WIF1: variants seen among roughly 807,000 people sequenced by gnomAD.
WIF1 encodes the protein Wnt inhibitory factor 1.
Under a neutral mutation model 53.5 loss-of-function variants are expected in WIF1, and 35 were observed. The ratio of observed to expected loss-of-function variants is 0.65; its 90% CI spans 0.50 to 0.87. The LOEUF (loss-of-function observed/expected upper bound fraction) is 0.87. WIF1 is among the 40% of genes least tolerant of loss of function. WIF1 has a pLI of 0.00. For missense variants in WIF1, 467 were observed against 476.8 expected (o/e 0.98, Z 0.19); for synonymous variants, 171 against 170.4 (o/e 1.00, Z -0.03).
chr12:65,053,527 C>T (rs942574511), intron 9 of WIF1, among the ~76,000 whole-genome samples: 1 of 152,168 alleles, frequency 6.6e-6, no homozygotes, highest in Non-Finnish European at 1.5e-5. Context: ...CTCTCTCCTT[C>T]CACCTTATGA....
rs1404146004 is a variant in WIF1 at position 65,051,089 on chromosome 12, A to T, written c.*260T>A. Reference sequence around the variant, plus strand: ...GAAAATATCTGCCAACTACACACTGAAAATTTTAACCTGATCAATTGACAT... The same window carrying T: ...GAAAATATCTGCCAACTACACACTGTAAATTTTAACCTGATCAATTGACAT... On this transcript the variant is annotated 3_prime_UTR_variant, in exon 10 of 10. Coordinates refer to ENST00000286574, the MANE Select transcript of WIF1 (RefSeq NM_007191.5). 9.1e-6 allele frequency: 3 copies of T among 328,070 alleles called. No homozygotes were observed. Among genetic ancestry groups the T allele is most frequent in the Non-Finnish European group, 1.6e-5 (3 of 183,768 alleles). 20.3% of individuals were successfully genotyped at this position (328,070 alleles called of 1,614,324 possible).
chr12:65,107,006 G>T (rs544302523), intron 2 of WIF1, among the ~76,000 whole-genome samples: 1 of 152,182 alleles, frequency 6.6e-6, no homozygotes, highest in Non-Finnish European at 1.5e-5. Flanking sequence ...CAATGAATTT[G>T]GGAAACTTTA....
At chr12:65,059,476 T>C (rs1410784801) in intron 7 of WIF1, among the ~76,000 whole-genome samples, 1 of 152,164 alleles carries the variant, frequency 6.6e-6, no homozygotes, top group African/African-American at 2.4e-5. Flanking sequence ...TTATAAATAA[T>C]TTGGGTAGTC....
intron 2 of WIF1, among the ~76,000 whole-genome samples, chr12:65,113,332 A>C (rs1274800707): frequency 1.3e-5 from 2 of 152,210 alleles, no homozygotes; most frequent in African/African-American, 4.8e-5. Context: ...AGGGACAGTT[A>C]AGTTAAATCA....
At chr12:65,115,136 C>G (rs539908405) in intron 2 of WIF1, among the ~76,000 whole-genome samples, 64 of 131,718 alleles carry the variant, frequency 4.9e-4, no homozygotes, top group African/African-American at 1.8e-3. Flanking sequence ...GGTTGGAAAA[C>G]TAGTACAGAT....
chr12:65,070,725 C>T (rs756543503), intron 3 of WIF1, among the ~76,000 whole-genome samples: 1 of 152,118 alleles, frequency 6.6e-6, no homozygotes, highest in Non-Finnish European at 1.5e-5. Context: ...TTGCAGCCCA[C>T]CTGATTCTTT....
rs146240213 is a variant in WIF1 at position 65,119,005 on chromosome 12, A to G, written c.288+1412T>C. Among the ~76,000 whole-genome samples the G allele has an allele frequency of 5.3e-3, 805 of 152,312 alleles. 6 individuals carry two copies. The highest frequency in any genetic ancestry group is 0.018 in the African/African-American group (729 of 41,572). ...GCCTTTTATTGATTCTTACGAACCC[A>G]TAAAGGTATAGGTTAAAAAATGTCT... On this transcript the variant is annotated intron_variant, in intron 2 of 9. Transcript: ENST00000286574.
intron 2 of WIF1, among the ~76,000 whole-genome samples, chr12:65,112,404 T>TCTCACACACACACACACA (rs1555188370): frequency 1.6e-5 from 2 of 123,448 alleles, no homozygotes; most frequent in Admixed American, 8.5e-5. Flanking sequence ...CCTGCTCTAA[T>TCTCACACACACACACACA]CACACACACA....
At chr12:65,084,540 A>G (rs1883006345) in intron 2 of WIF1, among the ~76,000 whole-genome samples, 1 of 152,144 alleles carries the variant, frequency 6.6e-6, no homozygotes, top group Non-Finnish European at 1.5e-5. Context: ...ATCTACCACT[A>G]TGTATTATTA....
chr12:65,081,560 A>G (rs1443853399), intron 2 of WIF1, among the ~76,000 whole-genome samples: 1 of 152,210 alleles, frequency 6.6e-6, no homozygotes, highest in Non-Finnish European at 1.5e-5. Flanking sequence ...TGATCTAATC[A>G]ATAACACACT....
intron 2 of WIF1, among the ~76,000 whole-genome samples, chr12:65,109,053 A>G (rs1330653511): frequency 6.6e-6 from 1 of 152,182 alleles, no homozygotes. Flanking sequence ...TATTTCTTAG[A>G]CCCATATTCC....
intron 2 of WIF1, among the ~76,000 whole-genome samples, chr12:65,087,406 A>G (rs1883055961): frequency 6.6e-6 from 1 of 152,234 alleles, no homozygotes; most frequent in Non-Finnish European, 1.5e-5. Context: ...TAAAATGCAT[A>G]GTTACCTCCA....
intron 2 of WIF1, among the ~76,000 whole-genome samples, chr12:65,087,322 A>G (rs921940275): frequency 2.6e-5 from 4 of 152,240 alleles, no homozygotes; most frequent in Non-Finnish European, 4.4e-5. Flanking sequence ...TACAAAGTGT[A>G]CATAAAAACT....
At chr12:65,078,030 A>G (rs935412797) in intron 2 of WIF1, among the ~76,000 whole-genome samples, 176 bp from the exon 3 acceptor site, 8 of 151,954 alleles carry the variant, frequency 5.3e-5, no homozygotes, top group African/African-American at 1.9e-4. Flanking sequence ...GACTCTGGAG[A>G]GAAGTGATCC....
Position 65,062,593 on chromosome 12 carries a change from CA to C in WIF1, c.731-18del. On this transcript the variant is annotated intron_variant, in intron 6 of 9. Transcript: ENST00000286574. ...AGCAGTTTGCTGTTAGAATGAGTAA[CA>C]GGGGTGTTGCATTAGACAGTAGGTT... 1.3e-6 allele frequency: 2 copies of C among 1,595,170 alleles called. No homozygotes were observed. The highest frequency in any genetic ancestry group is 1.1e-5 in the South Asian group (1 of 88,628).
At chr12:65,078,196 A>T (rs1335909768) in intron 2 of WIF1, among the ~76,000 whole-genome samples, 1 of 152,158 alleles carries the variant, frequency 6.6e-6, no homozygotes, top group Non-Finnish European at 1.5e-5. Context: ...CTCCTGCCTC[A>T]GCCTCCTGAG....
Position 65,090,159 on chromosome 12 carries a change from G to C in WIF1, c.289-12305C>G, listed in dbSNP as rs1465397771. The stretch of plus-strand genomic sequence containing the variant: ...CAGTCAGCGGGAGATGGGAAAAGGG[G>C]CCAACAAGGGAGACTAAGCTGGTCC... On this transcript the variant is annotated intron_variant, in intron 2 of 9. Coordinates refer to ENST00000286574, the MANE Select transcript of WIF1 (RefSeq NM_007191.5). Among the ~76,000 whole-genome samples, 5 of 152,242 alleles carry C rather than the reference G, an allele frequency of 3.3e-5. No individual in the cohort carries two copies. The East Asian group carries it at 9.7e-4, about 29-fold the overall frequency.
Position 65,068,765 on chromosome 12 carries a change from T to A in WIF1, c.537A>T (p.Gln179His). The A allele has an allele frequency of 6.2e-7, 1 of 1,613,200 alleles. No homozygotes were observed. Among genetic ancestry groups the A allele is most frequent in the Non-Finnish European group, 8.5e-7 (1 of 1,179,498 alleles). The change falls in exon 4 of 10, where the codon CAA (glutamine) becomes CAT (histidine). Residue 179 changes from glutamine (Q) to histidine (H), a missense_variant and splice_region_variant. Gln to His is a conservative substitution (Grantham distance 24). Coordinates refer to ENST00000286574, the MANE Select transcript of WIF1 (RefSeq NM_007191.5). The stretch of plus-strand genomic sequence containing the variant: ...TCTTGAATCACCATCGGTGCTTACC[T>A]TGTTGACATGTTTTAAAGAAGATAG... ...QNAIFFKTCQ[Q>H]AECPGGCRNG...
At chr12:65,114,496 T>A (rs1434437354) in intron 2 of WIF1, among the ~76,000 whole-genome samples, 2 of 152,182 alleles carry the variant, frequency 1.3e-5, no homozygotes, top group Non-Finnish European at 2.9e-5. Flanking sequence ...GACACCAGTA[T>A]CCAGACAAAG....
Sources: allele counts gnomAD v4.1 joint callset (sites outside exome capture counted in the v4.1 genomes callset), GRCh38; gene constraint gnomAD v4.1.1; transcripts MANE v1.5; gene names NCBI Gene and HGNC (gene_info 2026-07-23, HGNC 2026-07-21).